Variants in ERICH5 observed in about 807,000 individuals in gnomAD.
ERICH5 encodes glutamate-rich protein 5.
Under a neutral mutation model 28.0 loss-of-function variants are expected in ERICH5, and 24 were observed. That is an observed-to-expected ratio of 0.86 (90% CI 0.62 to 1.21). The LOEUF is 1.21. Ranked by LOEUF, ERICH5 falls within the 50% of genes most tolerant of loss-of-function variation. ERICH5 has a pLI of 0.00. For synonymous variants in ERICH5, 163 were observed against 157.6 expected (o/e 1.03, Z -0.25); for missense variants, 421 against 441.2 (o/e 0.95, Z 0.41).
rs189262520 is a variant in ERICH5, at chr8:98,078,432, C to T, written c.59-10644C>T. On this transcript the variant is annotated intron_variant, in intron 1 of 2. Coordinates refer to ENST00000318528, the MANE Select transcript of ERICH5 (RefSeq NM_173549.3). ...ACCAGGACCCCCTTCCTTACAAATT[C>T]GCTCAAAAACCCAGCAGACAGGCCA... Among the ~76,000 whole-genome samples the T allele has an allele frequency of 3.0e-3, 463 of 152,252 alleles. 4 individuals carry two copies. Among genetic ancestry groups the T allele is most frequent in the East Asian group, 2.9e-3 (15 of 5,192 alleles).
rs1185025027 is a variant in ERICH5 at position 98,073,432 on chromosome 8, CTATATATATATATATATATA to C, written c.58+8713_58+8732del. On this transcript the variant is annotated intron_variant, in intron 1 of 2. Coordinates refer to ENST00000318528, the MANE Select transcript of ERICH5 (RefSeq NM_173549.3). ...TCTCTCTCTCTCTCTCTCTCTCTCT[CTATATATATATATATATATA>C]TATATATGTATATATATATATATAT... Among the ~76,000 whole-genome samples the C allele has an allele frequency of 8.6e-4, 13 of 15,038 alleles. 3 individuals are homozygous for C. Among genetic ancestry groups the C allele is most frequent in the African/African-American group, 2.5e-3 (10 of 4,048 alleles). 9.9% of individuals were successfully genotyped at this position (15,038 alleles called of 152,430 possible). A position where few individuals can be genotyped will look rare whatever the true frequency, so the allele number is the denominator to read the frequency against.
At chr8:98,064,768 C>T (rs1361901908) in intron 1 of ERICH5, 41 bp downstream of exon 1, 17 of 1,505,458 alleles carry the variant, frequency 1.1e-5, no homozygotes, top group Non-Finnish European at 1.5e-5. Context: ...GGGCTGGGGA[C>T]TCGGGTGGGC....
intron 1 of ERICH5, among the ~76,000 whole-genome samples, chr8:98,074,662 T>C (rs115844999): frequency 0.025 from 3,731 of 152,254 alleles, 147 homozygotes; most frequent in African/African-American, 0.084. Context: ...GCCTCCCTGC[T>C]ATAATTTTTA....
chr8:98,077,163 A>C (rs552709322), intron 1 of ERICH5, among the ~76,000 whole-genome samples: 2 of 152,160 alleles, frequency 1.3e-5, no homozygotes, highest in Non-Finnish European at 2.9e-5. Flanking sequence ...TAGTCCCCCT[A>C]TGGAGTTGTT....
chr8:98,076,848 G>A (rs961857039), intron 1 of ERICH5, among the ~76,000 whole-genome samples: 1 of 152,094 alleles, frequency 6.6e-6, no homozygotes, highest in Admixed American at 6.5e-5. Context: ...CATGCTGATG[G>A]TGCAGGCTCT....
At chr8:98,081,985 A>G (rs1003766701) in intron 1 of ERICH5, among the ~76,000 whole-genome samples, 4 of 152,086 alleles carry the variant, frequency 2.6e-5, no homozygotes, top group Non-Finnish European at 5.9e-5. Context: ...TTTCAAGGTC[A>G]TAAAGTGTCT....
At chr8:98,080,724 TCTC>T (rs1815168361) in intron 1 of ERICH5, among the ~76,000 whole-genome samples, 1 of 125,212 alleles carries the variant, frequency 8.0e-6, no homozygotes, top group East Asian at 2.9e-4. Flanking sequence ...TCCCTCTCCT[TCTC>T]CTTCTTCCTC....
chr8:98,093,055 T>A (rs1302403744), intron 2 of ERICH5, among the ~76,000 whole-genome samples, 166 bp from the exon 3 acceptor site: 3 of 152,210 alleles, frequency 2.0e-5, no homozygotes, highest in African/African-American at 4.8e-5. Context: ...TTACAGGTGT[T>A]AGCCACGGTG....
rs190609066 is a variant in ERICH5 at position 98,079,699 on chromosome 8, C to T, written c.59-9377C>T. Among the ~76,000 whole-genome samples, 243 of 152,188 alleles carry T rather than the reference C, an allele frequency of 1.6e-3. 1 individual carries two copies. The highest frequency in any genetic ancestry group is 6.2e-3 in the South Asian group (30 of 4,828). Reference sequence around the variant, plus strand: ...GGATTACAAGCATCCACCACCAGCCCGGCTAATTTTTTGTATTTTTAGTAG... The same window carrying T: ...GGATTACAAGCATCCACCACCAGCCTGGCTAATTTTTTGTATTTTTAGTAG... On this transcript the variant is annotated intron_variant, in intron 1 of 2. Coordinates refer to ENST00000318528, the MANE Select transcript of ERICH5 (RefSeq NM_173549.3).
chr8:98,088,239 C>CA (rs932938360), intron 1 of ERICH5, among the ~76,000 whole-genome samples: 7 of 152,102 alleles, frequency 4.6e-5, no homozygotes, highest in Admixed American at 4.6e-4. Flanking sequence ...AACATATTGC[C>CA]AATCTTAAAC....
chr8:98,088,694 T>A (rs1449927365), intron 1 of ERICH5, among the ~76,000 whole-genome samples: 2 of 151,682 alleles, frequency 1.3e-5, no homozygotes, highest in East Asian at 1.9e-4. Context: ...AAAACAAAAA[T>A]GGAAAAAAAA....
At chr8:98,073,432 C>CTCTCTCTCTCTCTCTCTA (rs1308514320) in intron 1 of ERICH5, among the ~76,000 whole-genome samples, 2 of 15,040 alleles carry the variant, frequency 1.3e-4, no homozygotes, top group Non-Finnish European at 1.1e-4. Flanking sequence ...CTCTCTCTCT[C>CTCTCTCTCTCTCTCTCTA]TATATATATA....
At chr8:98,076,389 CCTT>C (rs1003521630) in intron 1 of ERICH5, among the ~76,000 whole-genome samples, 5 of 106,470 alleles carry the variant, frequency 4.7e-5, no homozygotes, top group African/African-American at 1.6e-4. Flanking sequence ...AATTAGAAGG[CCTT>C]TTTTTTTTTT....
intron 1 of ERICH5, among the ~76,000 whole-genome samples, chr8:98,079,153 CTTTTTTTTTTT>C (rs1815119840): frequency 3.0e-5 from 4 of 132,408 alleles, no homozygotes; most frequent in Non-Finnish European, 6.2e-5. Flanking sequence ...ACATTTTCCT[CTTTTTTTTTTT>C]CCTTTTTTTT....
At chr8:98,085,677 C>G (rs1398741978) in intron 1 of ERICH5, among the ~76,000 whole-genome samples, 1 of 152,046 alleles carries the variant, frequency 6.6e-6, no homozygotes, top group Non-Finnish European at 1.5e-5. Flanking sequence ...GCTAGAAATT[C>G]TTGTTCTTCT....
chr8:98,089,235 C>G lies in ERICH5; in HGVS notation c.218C>G (p.Ala73Gly), dbSNP rs747296609. ...CTCAAGGTTTCAGCAGAGCCTACAG[C>G]TAATGGTGTTAAACCCCTCCAAGAA... ...QKLKVSAEPT[A>G]NGVKPLQEQP... Residue 73 changes from alanine (A) to glycine (G), a missense_variant, in exon 2 of 3, where the codon GCT (alanine) becomes GGT (glycine). Coordinates refer to ENST00000318528, the MANE Select transcript of ERICH5 (RefSeq NM_173549.3). 1 of 1,614,200 alleles carries G rather than the reference C, an allele frequency of 6.2e-7. No homozygotes were observed. Among genetic ancestry groups the G allele is most frequent in the Non-Finnish European group, 8.5e-7 (1 of 1,180,040 alleles).
Position 98,089,846 on chromosome 8 carries a change from G to T in ERICH5, c.829G>T (p.Val277Leu), listed in dbSNP as rs758522369. 7 of 1,614,208 alleles carry T rather than the reference G, an allele frequency of 4.3e-6. No individual in the cohort carries two copies. The Middle Eastern group carries it at 4.9e-4, about 114-fold the overall frequency. ...AGAAGTATTGGACAGAAGTCAGCTT[G>T]TGGAAAAGCCTGTTATGAATGATCC... ...TPEVLDRSQL[V>L]EKPVMNDPFH... Residue 277 changes from valine (V) to leucine (L), a missense_variant, in exon 2 of 3, where the codon GTG becomes TTG. Coordinates refer to ENST00000318528, the MANE Select transcript of ERICH5 (RefSeq NM_173549.3).
In ERICH5 at chr8:98,093,435, G is replaced by C; in HGVS notation, c.*102G>C. The stretch of plus-strand genomic sequence containing the variant: ...ATCTTTCTACATTTACATGTTTTCT[G>C]TAAGGAGTGTGGTTATAGAGAGACT... On this transcript the variant is annotated 3_prime_UTR_variant, in exon 3 of 3. Transcript: ENST00000318528. The C allele has an allele frequency of 1.3e-6, 1 of 743,396 alleles. No homozygotes were observed. Among genetic ancestry groups the C allele is most frequent in the South Asian group, 1.9e-5 (1 of 51,618 alleles). The allele number at this position is 743,396 out of a possible 1,614,324, so 46.0% of individuals were successfully genotyped here. A position where few individuals can be genotyped will look rare whatever the true frequency, so the allele number is the denominator to read the frequency against.
intron 2 of ERICH5, 59 bp from the exon 3 acceptor site, chr8:98,093,162 A>C (rs899664910): frequency 5.7e-6 from 7 of 1,224,836 alleles, no homozygotes; most frequent in South Asian, 5.4e-5. Flanking sequence ...AAACTGTGGG[A>C]TAATTTATGT....
Sources: allele counts gnomAD v4.1 joint callset (sites outside exome capture counted in the v4.1 genomes callset), GRCh38; gene constraint gnomAD v4.1.1; transcripts MANE v1.5; gene names NCBI Gene and HGNC (gene_info 2026-07-23, HGNC 2026-07-21).